Variants in LPAR3 observed in about 807,000 individuals in gnomAD.
LPAR3 encodes LPA receptor 3.
A neutral mutation model predicts 17.8 loss-of-function variants in LPAR3; 7 were observed. The observed-to-expected ratio is 0.39, with a 90% CI of 0.22 to 0.74. The LOEUF (loss-of-function observed/expected upper bound fraction) is 0.74. Among genes scored for constraint, LPAR3 ranks in the 30% least tolerant of loss-of-function variants. The probability of loss-of-function intolerance (pLI) is 0.40; values close to 1 mark genes in which losing one functional copy is unlikely to be tolerated. For synonymous variants in LPAR3, 179 were observed against 179.9 expected (o/e 0.99, Z 0.04); for missense variants, 391 against 453.4 (o/e 0.86, Z 1.25).
At chr1:84,881,324 G>A (rs1557609561) in intron 1 of LPAR3, among the ~76,000 whole-genome samples, 1 of 152,198 alleles carries the variant, frequency 6.6e-6, no homozygotes, top group African/African-American at 2.4e-5. Flanking sequence ...GCACACTGCT[G>A]ATCTGGCCAG....
At chr1:84,841,357 A>C (rs1659500375) in intron 2 of LPAR3, among the ~76,000 whole-genome samples, 1 of 152,200 alleles carries the variant, frequency 6.6e-6, no homozygotes, top group Non-Finnish European at 1.5e-5. Flanking sequence ...TGAAACAAAA[A>C]AACCCATTAC....
rs1658873180 is a variant in LPAR3 at position 84,813,910 on chromosome 1, G to A, written c.998C>T (p.Thr333Ile). ...IPSTVLSRSD[T>I]GSQYIEDSIS... The stretch of plus-strand genomic sequence containing the variant: ...ACTATCCTCTATGTACTGGCTGCCT[G>A]TGTCACTCCTGCTGAGGACTGTGGA... Residue 333 changes from threonine to isoleucine, a missense_variant, in exon 3 of 3, where the codon ACA becomes ATA. Transcript: ENST00000370611. 1 of 1,614,184 alleles carries A rather than the reference G, an allele frequency of 6.2e-7. No individual in the cohort carries two copies. Among genetic ancestry groups the A allele is most frequent in the Non-Finnish European group, 8.5e-7 (1 of 1,180,014 alleles).
intron 2 of LPAR3, among the ~76,000 whole-genome samples, chr1:84,857,477 G>A (rs77543689): frequency 0.032 from 4,817 of 152,180 alleles, 116 homozygotes; most frequent in Non-Finnish European, 0.05. Flanking sequence ...TCCCCCCGCC[G>A]ACTCCAAAGC....
chr1:84,891,683 T>C (rs573183845), intron 1 of LPAR3, among the ~76,000 whole-genome samples: 7 of 152,334 alleles, frequency 4.6e-5, no homozygotes, highest in African/African-American at 1.7e-4. Context: ...GTCCATGCAT[T>C]AATGAAACGT....
At chr1:84,844,574 C>T (rs2102755990) in intron 2 of LPAR3, among the ~76,000 whole-genome samples, 1 of 152,174 alleles carries the variant, frequency 6.6e-6, no homozygotes, top group South Asian at 2.1e-4. Context: ...ACCCTCATTG[C>T]AGGGATATTT....
chr1:84,880,024 T>C (rs1660334432), intron 1 of LPAR3, among the ~76,000 whole-genome samples: 1 of 152,096 alleles, frequency 6.6e-6, no homozygotes, highest in African/African-American at 2.4e-5. Context: ...CACTATATAG[T>C]ACATGTATCA....
intron 2 of LPAR3, among the ~76,000 whole-genome samples, chr1:84,817,290 CA>C (rs1658953462): frequency 6.6e-6 from 1 of 151,388 alleles, no homozygotes; most frequent in African/African-American, 2.4e-5. Flanking sequence ...CACACACACA[CA>C]CCCCTCACTT....
chr1:84,830,798 C>T (rs1659268313), intron 2 of LPAR3, among the ~76,000 whole-genome samples: 1 of 152,006 alleles, frequency 6.6e-6, no homozygotes, highest in African/African-American at 2.4e-5. Context: ...CTCCATTCTA[C>T]TGTTTTCAGA....
intron 1 of LPAR3, among the ~76,000 whole-genome samples, chr1:84,891,835 C>T (rs1014099988): frequency 2.0e-5 from 3 of 152,144 alleles, no homozygotes; most frequent in Admixed American, 2.0e-4. Context: ...GGTAATGCTA[C>T]TTTCGGAGGA....
intron 1 of LPAR3, among the ~76,000 whole-genome samples, chr1:84,873,444 A>G (rs1660195105): frequency 1.3e-5 from 2 of 152,234 alleles, no homozygotes; most frequent in Admixed American, 1.3e-4. Flanking sequence ...ATTTTAAAAT[A>G]AATAAAGCCC....
chr1:84,867,918 C>A (rs1473341618), intron 1 of LPAR3, among the ~76,000 whole-genome samples: 1 of 152,162 alleles, frequency 6.6e-6, no homozygotes, highest in African/African-American at 2.4e-5. Flanking sequence ...CTTAACTAAT[C>A]CTAAATACTG....
chr1:84,851,560 A>T (rs1300735761), intron 2 of LPAR3, among the ~76,000 whole-genome samples: 1 of 152,258 alleles, frequency 6.6e-6, no homozygotes, highest in Non-Finnish European at 1.5e-5. Context: ...CTTTTAATAT[A>T]TAAATAGTAT....
At chr1:84,887,375 TAAA>T (rs200331450) in intron 1 of LPAR3, among the ~76,000 whole-genome samples, 4 of 138,262 alleles carry the variant, frequency 2.9e-5, no homozygotes, top group South Asian at 4.7e-4. Context: ...GACCTTGTCT[TAAA>T]AAAAAAAAAA....
intron 1 of LPAR3, among the ~76,000 whole-genome samples, chr1:84,881,679 A>G (rs898782691): frequency 6.6e-6 from 1 of 152,190 alleles, no homozygotes; most frequent in Admixed American, 6.5e-5. Context: ...TGCAGTGACT[A>G]AGCTTAAGAC....
chr1:84,891,119 T>C (rs4243773), intron 1 of LPAR3, among the ~76,000 whole-genome samples: 44,360 of 150,740 alleles, frequency 0.29, 6,731 homozygotes, highest in East Asian at 0.45. Flanking sequence ...CTAACAAATA[T>C]CTTGCAGAAC....
At chr1:84,892,922 C>G (rs1272192145) in intron 1 of LPAR3, 94 bp downstream of exon 1, 1 of 152,386 alleles carries the variant, frequency 6.6e-6, no homozygotes, top group African/African-American at 2.4e-5. Flanking sequence ...CAGGCTAGAG[C>G]CCTGCAGGCG....
chr1:84,873,758 G>A (rs2008883), intron 1 of LPAR3, among the ~76,000 whole-genome samples: 1 of 141,472 alleles, frequency 7.1e-6, no homozygotes, highest in South Asian at 2.2e-4. Flanking sequence ...TTGCTTGTTT[G>A]TTTTTTTTTT....
At chr1:84,817,802 C>CAAGAA (rs1658970394) in intron 2 of LPAR3, among the ~76,000 whole-genome samples, 1 of 119,790 alleles carries the variant, frequency 8.3e-6, no homozygotes, top group Non-Finnish European at 1.8e-5. Flanking sequence ...CTTTCCTGGC[C>CAAGAA]AAAAAAAAAA....
At chr1:84,874,981 C>A (rs1222181733) in intron 1 of LPAR3, among the ~76,000 whole-genome samples, 2 of 151,250 alleles carry the variant, frequency 1.3e-5, no homozygotes, top group Non-Finnish European at 2.9e-5. Flanking sequence ...CTCACTGCAA[C>A]CTCCACCTTC....
Sources: gnomAD v4.1 joint callset for allele counts (sites outside exome capture counted in the v4.1 genomes callset) on GRCh38, gnomAD v4.1.1 for gene constraint, MANE v1.5 for transcripts, NCBI Gene and HGNC (gene_info 2026-07-23, HGNC 2026-07-21) for gene names.